Variants in HMCN1 observed in about 807,000 individuals in gnomAD.
HMCN1 encodes the protein hemicentin-1.
A neutral mutation model predicts 625.9 loss-of-function variants in HMCN1; 321 were observed. That is an observed-to-expected ratio of 0.51 (90% CI 0.47 to 0.56). HMCN1 has a LOEUF of 0.56. Among genes scored for constraint, HMCN1 ranks in the 20% least tolerant of loss-of-function variants. The pLI is 0.00. For synonymous variants in HMCN1, 2,425 were observed against 2,417.6 expected (o/e 1.00, Z -0.09); for missense variants, 6,588 against 6,887.3 (o/e 0.96, Z 1.54).
chr1:185,982,283 G>A lies in HMCN1; in HGVS notation c.2684G>A (p.Ser895Asn), dbSNP rs777160682. ...TTAGTTGCTCCACTTATTGGAATCAGCCCTTCAGTGGCCAATGTTATTGAA... is the reference window on the plus strand; with the variant it reads ...TTAGTTGCTCCACTTATTGGAATCAACCCTTCAGTGGCCAATGTTATTGAA... Reference protein sequence around the residue: ...TGLVAPLIGISPSVANVIEGQ... With the variant: ...TGLVAPLIGINPSVANVIEGQ... Residue 895 changes from serine (S) to asparagine (N), a missense_variant, in exon 18 of 107, where the codon AGC (serine) becomes AAC (asparagine). By Grantham distance (46) the Ser-to-Asn change is conservative. Coordinates refer to ENST00000271588, the MANE Select transcript of HMCN1 (RefSeq NM_031935.3). 6.2e-7 allele frequency: 1 copy of A among 1,613,706 alleles called. No individual in the cohort carries two copies. The highest frequency in any genetic ancestry group is 1.3e-5 in the African/African-American group (1 of 74,988).
At chr1:185,900,795 C>T (rs1665763144) in intron 4 of HMCN1, among the ~76,000 whole-genome samples, 4 of 151,800 alleles carry the variant, frequency 2.6e-5, no homozygotes, top group Admixed American at 2.6e-4. Context: ...ACTTTAGGAT[C>T]AAGACATAAT....
At chr1:186,014,882 A>G (rs928234571) in intron 30 of HMCN1, among the ~76,000 whole-genome samples, 6 of 152,082 alleles carry the variant, frequency 3.9e-5, no homozygotes, top group Non-Finnish European at 7.4e-5. Context: ...TTGGTTAAAC[A>G]TAACTATCTT....
intron 4 of HMCN1, among the ~76,000 whole-genome samples, chr1:185,904,406 G>T (rs1202276508): frequency 6.6e-6 from 1 of 151,774 alleles, no homozygotes; most frequent in African/African-American, 2.4e-5. Flanking sequence ...TAGATTTAAA[G>T]GCTTTAATAT....
At chr1:186,002,094 A>G (rs1193936792) in intron 28 of HMCN1, among the ~76,000 whole-genome samples, 1 of 152,082 alleles carries the variant, frequency 6.6e-6, no homozygotes, top group African/African-American at 2.4e-5. Context: ...GTGATACAGA[A>G]TATATTACAT....
intron 19 of HMCN1, among the ~76,000 whole-genome samples, chr1:185,986,826 CAAAA>C (rs1239432106): frequency 1.7e-5 from 1 of 60,302 alleles, no homozygotes. Context: ...GACCCTGTCT[CAAAA>C]AAAAAAAAAA....
At chr1:186,118,925 T>A (rs1661257728) in intron 77 of HMCN1, among the ~76,000 whole-genome samples, 1 of 152,206 alleles carries the variant, frequency 6.6e-6, no homozygotes, top group East Asian at 1.9e-4. Flanking sequence ...AATTAGATTG[T>A]GGTGATGTTT....
intron 46 of HMCN1, among the ~76,000 whole-genome samples, chr1:186,061,267 A>G (rs947624631): frequency 6.6e-6 from 1 of 152,134 alleles, no homozygotes; most frequent in African/African-American, 2.4e-5. Flanking sequence ...AAATTATGGC[A>G]GAAGGGGAAG....
chr1:186,091,999 T>A (rs576690620), intron 64 of HMCN1, among the ~76,000 whole-genome samples: 1 of 152,062 alleles, frequency 6.6e-6, no homozygotes, highest in Non-Finnish European at 1.5e-5. Context: ...AGCTGGTATT[T>A]GCCATATTCC....
chr1:186,097,923 C>A (rs996781247), intron 68 of HMCN1, among the ~76,000 whole-genome samples: 2 of 152,114 alleles, frequency 1.3e-5, no homozygotes, highest in South Asian at 2.1e-4. Flanking sequence ...TGATTTTTGA[C>A]AAAGGTCCCA....
intron 40 of HMCN1, among the ~76,000 whole-genome samples, chr1:186,041,989 T>C (rs530580196): frequency 6.6e-6 from 1 of 152,292 alleles, no homozygotes; most frequent in South Asian, 2.1e-4. Context: ...TCTTCTCTTA[T>C]AAGTTTGCCA....
chr1:186,059,529 A>G (rs1221392730), intron 46 of HMCN1, among the ~76,000 whole-genome samples: 2 of 152,058 alleles, frequency 1.3e-5, no homozygotes, highest in Non-Finnish European at 2.9e-5. Context: ...CATGATAAGT[A>G]TTTCACCTTG....
rs1185513850 is a variant in HMCN1 at position 186,001,645 on chromosome 1, C to T, written c.4252C>T (p.Leu1418Phe). The change falls in exon 28 of 107, where the codon CTC becomes TTC. Residue 1418 changes from leucine to phenylalanine, a missense_variant. Leu to Phe is a conservative substitution (Grantham distance 22, BLOSUM62 0). Coordinates refer to ENST00000271588, the MANE Select transcript of HMCN1 (RefSeq NM_031935.3). ...QTVNNGKILK[L>F]FRATPEDAGR... The stretch of plus-strand genomic sequence containing the variant: ...TGTGAACAATGGGAAGATACTGAAG[C>T]TCTTCAGAGCCACTCCAGAGGATGC... The T allele has an allele frequency of 6.2e-7, 1 of 1,612,878 alleles. No homozygotes were observed. Among genetic ancestry groups the T allele is most frequent in the Non-Finnish European group, 8.5e-7 (1 of 1,179,186 alleles).
At chr1:186,083,565 C>G (rs1241885538) in intron 57 of HMCN1, among the ~76,000 whole-genome samples, 1 of 147,056 alleles carries the variant, frequency 6.8e-6, no homozygotes, top group East Asian at 2.0e-4. Flanking sequence ...TTGTGAGATG[C>G]TGGTGCCTCC....
chr1:185,837,031 T>TGC (rs397751224), intron 1 of HMCN1, among the ~76,000 whole-genome samples: 1 of 148,496 alleles, frequency 6.7e-6, no homozygotes, highest in African/African-American at 2.5e-5. Context: ...TGTGTGTGTG[T>TGC]ATATATAAAA....
chr1:186,084,434 G>T (rs1659351530), intron 57 of HMCN1, among the ~76,000 whole-genome samples: 1 of 152,096 alleles, frequency 6.6e-6, no homozygotes, highest in Non-Finnish European at 1.5e-5. Flanking sequence ...ACCAGTTAAT[G>T]ATGTCTTGAG....
Position 186,045,763 on chromosome 1 carries a change from G to A in HMCN1, c.6380G>A (p.Ser2127Asn), listed in dbSNP as rs779563467. ...CAAGCTGTGGAATTACTATGTCAAA[G>A]TGATGCTATTCCCCCACCTACTCTT... ...ISQAVELLCQ[S>N]DAIPPPTLTW... is the part of the protein sequence containing the mutation. The change falls in exon 41 of 107, where the codon AGT becomes AAT. Residue 2127 changes from serine (S) to asparagine (N), a missense_variant. Coordinates refer to ENST00000271588, the MANE Select transcript of HMCN1 (RefSeq NM_031935.3). The A allele has an allele frequency of 6.8e-6, 11 of 1,612,644 alleles. No individual in the cohort carries two copies. The highest frequency in any genetic ancestry group is 5.1e-6 in the Non-Finnish European group (6 of 1,178,954).
intron 48 of HMCN1, among the ~76,000 whole-genome samples, chr1:186,064,252 T>A (rs1161868616): frequency 6.6e-6 from 1 of 152,112 alleles, no homozygotes; most frequent in African/African-American, 2.4e-5. Flanking sequence ...TTTATGGTTT[T>A]AAAATTTTTT....
Position 185,989,351 on chromosome 1 carries a change from G to A in HMCN1, c.3049-137G>A, listed in dbSNP as rs979993194. 4.0e-6 allele frequency: 4 copies of A among 1,003,404 alleles called. No homozygotes were observed. In the African/African-American group the frequency reaches 6.5e-5, roughly 16 times the overall value. 62.2% of individuals were successfully genotyped at this position (1,003,404 alleles called of 1,614,324 possible). On this transcript the variant is annotated intron_variant, in intron 20 of 106. Coordinates refer to ENST00000271588, the MANE Select transcript of HMCN1 (RefSeq NM_031935.3). Reference sequence around the variant, plus strand: ...CTCATAAATAACTTTTTTCAAGTTAGCATTTTAAAATTTACTCTATTCCCC... The same window carrying A: ...CTCATAAATAACTTTTTTCAAGTTAACATTTTAAAATTTACTCTATTCCCC...
At position 185,900,055 on chromosome 1, in the gene HMCN1, G is replaced by A. The variant is rs550213139; in HGVS notation, c.622-9282G>A. Reference sequence around the variant, plus strand: ...TTTCTCCTCTCTTCCTCAACATGTTGAAAATGTCCTCCTGCCTCTGTTTCT... The same window carrying A: ...TTTCTCCTCTCTTCCTCAACATGTTAAAAATGTCCTCCTGCCTCTGTTTCT... On this transcript the variant is annotated intron_variant, in intron 4 of 106. Coordinates refer to ENST00000271588, the MANE Select transcript of HMCN1 (RefSeq NM_031935.3). 5.3e-5 allele frequency among the ~76,000 whole-genome samples: 8 copies of A among 151,618 alleles called. No homozygotes were observed. In the East Asian group the frequency reaches 1.5e-3, roughly 29 times the overall value.
Sources: allele counts gnomAD v4.1 joint callset (sites outside exome capture counted in the v4.1 genomes callset), GRCh38; gene constraint gnomAD v4.1.1; transcripts MANE v1.5; gene names NCBI Gene and HGNC (gene_info 2026-07-23, HGNC 2026-07-21).